The following GYS1 variants were observed in gnomAD, a reference collection of about 807,000 sequenced individuals.
The protein encoded by GYS1 is glycogen synthase 1.
Under a neutral mutation model 89.1 loss-of-function variants are expected in GYS1, and 60 were observed. That is an observed-to-expected ratio of 0.67 (90% CI 0.55 to 0.84). The LOEUF is 0.84. Ranked by LOEUF, GYS1 falls within the 40% of genes least tolerant of loss-of-function variation. GYS1 has a pLI of 0.00. For missense variants in GYS1, 888 were observed against 1,003.1 expected, an observed-to-expected ratio of 0.89 and a Z score of 1.55; for synonymous variants, 366 against 401.7, an observed-to-expected ratio of 0.91 and a Z score of 1.06.
Position 48,970,471 on chromosome 19 carries a change from C to A in GYS1, c.1809+75G>T, listed in dbSNP as rs547918969. 3.2e-6 allele frequency: 4 copies of A among 1,255,228 alleles called. No homozygotes were observed. In the Admixed American group the frequency reaches 5.1e-5, roughly 16 times the overall value. 77.8% of individuals were successfully genotyped at this position (1,255,228 alleles called of 1,614,324 possible). A position where few individuals can be genotyped will look rare whatever the true frequency, so the allele number is the denominator to read the frequency against. The stretch of plus-strand genomic sequence containing the variant: ...CAACTGTTACAAGTAGGATGAGACC[C>A]TGCACCCTGCACCAAAGACCCCTAG... On this transcript the variant is annotated intron_variant, in intron 14 of 15. Coordinates refer to ENST00000323798, the MANE Select transcript of GYS1 (RefSeq NM_002103.5).
chr19:48,984,552 C>T (rs558967584), intron 5 of GYS1, among the ~76,000 whole-genome samples: 12 of 151,600 alleles, frequency 7.9e-5, no homozygotes, highest in Admixed American at 4.6e-4. Context: ...CCCACCACCA[C>T]GCCCGGCTAA....
chr19:48,982,124 C>T, intron 7 of GYS1, 131 bp downstream of exon 7: 2 of 931,224 alleles, frequency 2.1e-6, no homozygotes, highest in African/African-American at 1.6e-5. Context: ...ATCTCCTGGG[C>T]TCAAGTGATC....
intron 10 of GYS1, among the ~76,000 whole-genome samples, chr19:48,976,692 GCAAGGCC>G (rs2038657920): frequency 6.6e-6 from 1 of 152,164 alleles, no homozygotes; most frequent in South Asian, 2.1e-4. Flanking sequence ...GCCGTGTGCA[GCAAGGCC>G]CAAGGAGAGC....
At chr19:48,973,989 A>G (rs919711249) in intron 12 of GYS1, among the ~76,000 whole-genome samples, 1 of 152,032 alleles carries the variant, frequency 6.6e-6, no homozygotes, top group African/African-American at 2.4e-5. Context: ...AGCAGTGTGA[A>G]CTGTGACATC....
intron 7 of GYS1, 38 bp downstream of exon 7, chr19:48,982,217 T>G: frequency 6.2e-7 from 1 of 1,609,844 alleles, no homozygotes; most frequent in South Asian, 1.1e-5. Flanking sequence ...TAAACTGCTT[T>G]GCTTGCCCTC....
intron 13 of GYS1, 67 bp downstream of exon 13, chr19:48,970,861 T>C: frequency 6.9e-7 from 1 of 1,450,780 alleles, no homozygotes. Context: ...AAGCTCCTCC[T>C]TCCCAGGATC....
chr19:48,990,466 C>T (rs752535085), intron 2 of GYS1, among the ~76,000 whole-genome samples: 13 of 152,262 alleles, frequency 8.5e-5, no homozygotes, highest in Non-Finnish European at 1.8e-4. Context: ...CAGTCTATTA[C>T]TCTTGCCTGT....
intron 10 of GYS1, 72 bp from the exon 11 acceptor site, chr19:48,974,805 C>T (rs2038620144): frequency 7.4e-6 from 8 of 1,086,518 alleles, no homozygotes; most frequent in East Asian, 4.8e-5. Flanking sequence ...ATGAGCCATG[C>T]GGACCCTGGG....
intron 2 of GYS1, among the ~76,000 whole-genome samples, chr19:48,990,348 G>A (rs1204588727): frequency 6.6e-6 from 1 of 152,016 alleles, no homozygotes; most frequent in East Asian, 1.9e-4. Flanking sequence ...CTCAGACTCT[G>A]TCCTGTGGGT....
chr19:48,982,834 A>G lies in GYS1; in HGVS notation c.827T>C (p.Ile276Thr), dbSNP rs2038788050. 3.8e-6 allele frequency: 6 copies of G among 1,577,058 alleles called. No homozygotes were observed. The highest frequency in any genetic ancestry group is 5.2e-6 in the Non-Finnish European group (6 of 1,146,164). ...AQHLLKRKPD[I>T]VTPNGLNVKK... Reference sequence around the variant, plus strand: ...CACATTCAGCCCATTGGGGGTCACAATATCTGGGATTGGGGGTGAGGGTCC... The same window carrying G: ...CACATTCAGCCCATTGGGGGTCACAGTATCTGGGATTGGGGGTGAGGGTCC... The change falls in exon 6 of 16, where the codon ATT becomes ACT. Residue 276 changes from isoleucine (I) to threonine (T), a missense_variant. By Grantham distance (89) the Ile-to-Thr change is moderately conservative. Coordinates refer to ENST00000323798, the MANE Select transcript of GYS1 (RefSeq NM_002103.5).
rs200642005 is a variant in GYS1, at chr19:48,987,239, G to A, written c.447C>T (p.Asn149=). 5.0e-6 allele frequency: 8 copies of A among 1,613,518 alleles called. No individual in the cohort carries two copies. The highest frequency in any genetic ancestry group is 1.6e-4 in the Middle Eastern group (1 of 6,062). The change falls in exon 3 of 16, where the codon AAC becomes AAT. Residue 149 remains asparagine, a synonymous_variant. Transcript: ENST00000323798. ...TCAGAAAGCCAAAGAGGACAGCGTC[G>A]TTGGCCTCGCGGTCGTACCACGGCA... The part of the protein sequence containing the change: ...IGVPWYDREA[N]DAVLFGFLTT...
intron 13 of GYS1, 106 bp from the exon 14 acceptor site, chr19:48,970,815 C>T (rs1310466122): frequency 1.1e-5 from 15 of 1,400,348 alleles, no homozygotes; most frequent in Non-Finnish European, 1.3e-5. Flanking sequence ...CCCGAGAGCC[C>T]CCCCATTTCC....
At position 48,991,554 on chromosome 19, in the gene GYS1, C is replaced by A; in HGVS notation, c.119-71G>T. 6.8e-7 allele frequency: 1 copy of A among 1,462,630 alleles called. No individual in the cohort carries two copies. Among genetic ancestry groups the A allele is most frequent in the Non-Finnish European group, 9.5e-7 (1 of 1,050,346 alleles). 90.6% of individuals were successfully genotyped at this position (1,462,630 alleles called of 1,614,324 possible). The stretch of plus-strand genomic sequence containing the variant: ...GTTCTGGGGCCTGGGGTGGGGTGGG[C>A]CGGGGATGTAGGGGGCACTCAGGCC... On this transcript the variant is annotated intron_variant, in intron 1 of 15. Coordinates refer to ENST00000323798, the MANE Select transcript of GYS1 (RefSeq NM_002103.5). The surrounding 1 kb of genome is among the most constrained non-coding windows in gnomAD (Gnocchi z 4.7).
At position 48,979,331 on chromosome 19, in the gene GYS1, C is replaced by CTTTTTTTTTTT. The variant is rs1568620568; in HGVS notation, c.1170-1175_1170-1174insAAAAAAAAAAA. On this transcript the variant is annotated intron_variant, in intron 8 of 15. Coordinates refer to ENST00000323798, the MANE Select transcript of GYS1 (RefSeq NM_002103.5). ...CTTTCTTTGTCTCTTTTTCTTTTTT[C>CTTTTTTTTTTT]TTTTCTTTTTTTTTTTTTTTTTTTT... Among the ~76,000 whole-genome samples, 2 of 46,354 alleles carry CTTTTTTTTTTT rather than the reference C, an allele frequency of 4.3e-5. 1 individual carries two copies. The highest frequency in any genetic ancestry group is 9.3e-5 in the Non-Finnish European group (2 of 21,520). 30.4% of individuals were successfully genotyped at this position (46,354 alleles called of 152,430 possible). A position where few individuals can be genotyped will look rare whatever the true frequency, so the allele number is the denominator to read the frequency against.
At chr19:48,992,732 G>A (rs78117628) in intron 1 of GYS1, among the ~76,000 whole-genome samples, 1 of 152,008 alleles carries the variant, frequency 6.6e-6, no homozygotes, top group Non-Finnish European at 1.5e-5. Flanking sequence ...TCGGAAGCCT[G>A]CCTCCAGGAC....
chr19:48,989,570 C>G (rs932374895), intron 2 of GYS1, among the ~76,000 whole-genome samples: 1 of 151,618 alleles, frequency 6.6e-6, no homozygotes, highest in Non-Finnish European at 1.5e-5. Context: ...ATCACGAGCA[C>G]GCACCATCAT....
At chr19:48,980,065 T>C (rs2038734294) in intron 8 of GYS1, among the ~76,000 whole-genome samples, 2 of 152,124 alleles carry the variant, frequency 1.3e-5, no homozygotes, top group Admixed American at 6.6e-5. Flanking sequence ...CTGCCTCCTG[T>C]AGCTGGCACT....
In GYS1 at chr19:48,982,355, T is replaced by G; in HGVS notation, c.962A>C (p.Asp321Ala). Residue 321 changes from aspartate to alanine, a missense_variant, in exon 7 of 16, where the codon GAC (aspartate) becomes GCC (alanine). Coordinates refer to ENST00000323798, the MANE Select transcript of GYS1 (RefSeq NM_002103.5). The part of the protein sequence containing the change: ...HFYGHLDFNL[D>A]KTLYFFIAGR... ...GGCGATAAAGAAGTATAAGGTCTTG[T>G]CCAAGTTGAAGTCCAGATGCCTAAA... 1.9e-6 allele frequency: 3 copies of G among 1,613,804 alleles called. No homozygotes were observed. Among genetic ancestry groups the G allele is most frequent in the Non-Finnish European group, 2.5e-6 (3 of 1,179,870 alleles).
In GYS1 at chr19:48,987,343, C is replaced by T. The variant is rs1267837737; in HGVS notation, c.343G>A (p.Val115Met). 1 of 1,611,430 alleles carries T rather than the reference C, an allele frequency of 6.2e-7. No individual in the cohort carries two copies. The highest frequency in any genetic ancestry group is 8.5e-7 in the Non-Finnish European group (1 of 1,178,770). Reference sequence around the variant, plus strand: ...GCTGAGGCACCCACGTCCAGGAGCACCACCAGAGGGCCTCCCTCGATCAGC... The same window carrying T: ...GCTGAGGCACCCACGTCCAGGAGCATCACCAGAGGGCCTCCCTCGATCAGC... ...RWLIEGGPLV[V>M]LLDVGASAWA... is the part of the protein sequence containing the mutation. The change falls in exon 3 of 16, where the codon GTG (valine) becomes ATG (methionine). Residue 115 changes from valine (V) to methionine (M), a missense_variant. Coordinates refer to ENST00000323798, the MANE Select transcript of GYS1 (RefSeq NM_002103.5).
Sources: gnomAD v4.1 joint callset for allele counts (sites outside exome capture counted in the v4.1 genomes callset) on GRCh38, gnomAD v4.1.1 for gene constraint, Gnocchi (gnomAD v3.1) non-coding constraint, MANE v1.5 for transcripts, NCBI Gene and HGNC (gene_info 2026-07-23, HGNC 2026-07-21) for gene names.